HOXC4: variants seen among roughly 807,000 people sequenced by gnomAD.
HOXC4 encodes homeobox C4.
In HOXC4, 15 loss-of-function variants were observed where a neutral mutation model predicts 25.5. That is an observed-to-expected ratio of 0.59 (90% CI 0.39 to 0.91). The LOEUF (loss-of-function observed/expected upper bound fraction) is 0.91. Ranked by LOEUF, HOXC4 falls within the 40% of genes least tolerant of loss-of-function variation. HOXC4 has a pLI of 0.00. For missense variants in HOXC4, 342 were observed against 352.4 expected (o/e 0.97, Z 0.24); for synonymous variants, 165 against 148.0 (o/e 1.11, Z -0.83).
intron 1 of HOXC4, among the ~76,000 whole-genome samples, chr12:54,019,539 C>A (rs1035253615): frequency 2.6e-5 from 4 of 152,124 alleles, no homozygotes; most frequent in Non-Finnish European, 4.4e-5. Context: ...GCATTTTGTC[C>A]GCCCCCGCCC....
rs1248158898 is a variant in HOXC4, at chr12:54,034,451, T to C, written c.-124+17037T>C. ...CTGGTTCCAGAACCGCAGGATGAAG[T>C]GGAAGAAAGATTCCAAAATGAAAAG... On this transcript the variant is annotated intron_variant, in intron 1 of 3. Coordinates refer to the HOXC4 transcript ENST00000303406. 6.2e-7 allele frequency: 1 copy of C among 1,614,190 alleles called. No individual in the cohort carries two copies. Among genetic ancestry groups the C allele is most frequent in the Non-Finnish European group, 8.5e-7 (1 of 1,180,024 alleles).
intron 1 of HOXC4, among the ~76,000 whole-genome samples, chr12:54,019,186 C>T (rs1285204647): frequency 7.2e-6 from 1 of 138,104 alleles, no homozygotes; most frequent in Non-Finnish European, 1.6e-5. Context: ...CACCCCCCCA[C>T]CCCCAGTAGG....
At chr12:54,048,768 T>C (rs527531663) in intron 1 of HOXC4, among the ~76,000 whole-genome samples, 5 of 152,294 alleles carry the variant, frequency 3.3e-5, no homozygotes, top group Non-Finnish European at 5.9e-5. Flanking sequence ...CTTAAAAGTG[T>C]TTCCAGCTTC....
intron 1 of HOXC4, among the ~76,000 whole-genome samples, chr12:54,035,690 C>A (rs1941170791): frequency 6.6e-6 from 1 of 152,180 alleles, no homozygotes. Flanking sequence ...GGTGCAGGAA[C>A]CAGTGGCTCC....
chr12:54,037,008 C>T (rs1438365734), intron 1 of HOXC4, among the ~76,000 whole-genome samples: 3 of 152,206 alleles, frequency 2.0e-5, no homozygotes, highest in African/African-American at 2.4e-5. Flanking sequence ...TGCCTCCTCC[C>T]GGCAGGGTTT....
At chr12:54,028,996 G>A (rs1940859587) in intron 1 of HOXC4, 2 of 1,434,266 alleles carry the variant, frequency 1.4e-6, no homozygotes. Flanking sequence ...AGAAGAACGG[G>A]CGGAGAGAGT....
At chr12:54,042,178 G>A (rs968586249) in intron 1 of HOXC4, among the ~76,000 whole-genome samples, 3 of 151,934 alleles carry the variant, frequency 2.0e-5, no homozygotes, top group Middle Eastern at 3.2e-3. Flanking sequence ...GGGTTTCTCC[G>A]TGTTGGTCAG....
chr12:54,045,415 A>G (rs1333480276), intron 1 of HOXC4, among the ~76,000 whole-genome samples: 1 of 152,192 alleles, frequency 6.6e-6, no homozygotes, highest in East Asian at 1.9e-4. Context: ...CTCTTGAAAC[A>G]CCTAAGTGAA....
chr12:54,054,294 T>C lies in HOXC4; in HGVS notation c.372T>C (p.His124=). 1 of 1,571,614 alleles carries C rather than the reference T, an allele frequency of 6.4e-7. No individual in the cohort carries two copies. Among genetic ancestry groups the C allele is most frequent in the Non-Finnish European group, 8.7e-7 (1 of 1,153,098 alleles). The change falls in exon 1 of 2, where the codon CAT becomes CAC. Residue 124 remains histidine (H), a synonymous_variant. Transcript: ENST00000430889. ...PPACSQPAPD[H]PSSAASKQPI... is the part of the protein sequence containing the mutation. ...CCTGCAGCCAGCCAGCCCCCGACCA[T>C]CCCTCCAGCGCCGCCAGCAAGCAAC... is the stretch of plus-strand genomic sequence containing the variant.
chr12:54,045,071 G>T (rs1317508392), intron 1 of HOXC4, among the ~76,000 whole-genome samples: 1 of 152,214 alleles, frequency 6.6e-6, no homozygotes. Flanking sequence ...CACTTGCGAA[G>T]TCTCTAGTCC....
At position 54,055,237 on chromosome 12, in the gene HOXC4, G is replaced by GC; in HGVS notation, c.*37dup. ...ACTCACACCCCTGCCCCCACCCCAT[G>GC]CCCCCACCCTCCCCTCACACACAAA... On this transcript the variant is annotated 3_prime_UTR_variant, in exon 2 of 2. Coordinates refer to ENST00000430889, the MANE Select transcript of HOXC4 (RefSeq NM_153633.3). 2 of 1,012,560 alleles carry GC rather than the reference G, an allele frequency of 2.0e-6. No homozygotes were observed. The highest frequency in any genetic ancestry group is 3.7e-5 in the South Asian group (2 of 54,450). 62.7% of individuals were successfully genotyped at this position (1,012,560 alleles called of 1,614,324 possible).
chr12:54,039,197 C>T (rs897165959), intron 1 of HOXC4, among the ~76,000 whole-genome samples: 2 of 152,146 alleles, frequency 1.3e-5, no homozygotes, highest in African/African-American at 2.4e-5. Context: ...GCCAGATATG[C>T]ACCTTCCAGA....
intron 1 of HOXC4, among the ~76,000 whole-genome samples, chr12:54,042,093 C>T (rs1400793745): frequency 9.2e-5 from 14 of 151,888 alleles, no homozygotes; most frequent in Non-Finnish European, 4.4e-5. Context: ...ATTCTCCTGC[C>T]TCAGCCTCCT....
rs1008249325 is a variant in HOXC4, at chr12:54,023,733, C to A, written c.-124+6319C>A. Among the ~76,000 whole-genome samples the A allele has an allele frequency of 1.5e-4, 23 of 152,324 alleles. No individual in the cohort carries two copies. In the Middle Eastern group the frequency reaches 0.014, roughly 91 times the overall value. On this transcript the variant is annotated intron_variant, in intron 1 of 3. Coordinates refer to the HOXC4 transcript ENST00000303406. The stretch of plus-strand genomic sequence containing the variant: ...GTGTTAGGTGTGTCAAATTTCACTT[C>A]TCTCCATGCCTAAACTTTGAAAGGA...
At chr12:54,026,263 C>T (rs1490221494) in intron 1 of HOXC4, among the ~76,000 whole-genome samples, 2 of 152,102 alleles carry the variant, frequency 1.3e-5, no homozygotes, top group African/African-American at 2.4e-5. Flanking sequence ...GCTCAGTCCC[C>T]AGAGTACTCC....
chr12:54,025,961 A>G (rs1328645357), intron 1 of HOXC4, among the ~76,000 whole-genome samples: 2 of 152,116 alleles, frequency 1.3e-5, no homozygotes, highest in Admixed American at 6.5e-5. Context: ...GACATAAAAG[A>G]GATTTTTAAA....
intron 1 of HOXC4, chr12:54,038,012 G>A (rs1156926884): frequency 6.6e-6 from 1 of 152,196 alleles, no homozygotes; most frequent in Non-Finnish European, 1.5e-5. Context: ...CCAGGCGAAC[G>A]CTGTGAGTTA....
intron 1 of HOXC4, chr12:54,034,012 C>T (rs760565360): frequency 2.1e-5 from 14 of 666,058 alleles, no homozygotes; most frequent in South Asian, 2.0e-4. Context: ...TTGTTCGGTC[C>T]GAGCCTGGGT....
chr12:54,039,986 G>T (rs971843221), intron 1 of HOXC4, among the ~76,000 whole-genome samples: 2 of 152,104 alleles, frequency 1.3e-5, no homozygotes, highest in Non-Finnish European at 2.9e-5. Flanking sequence ...AGGCTCAAAA[G>T]TTCCATTTAA....
Sources: allele counts gnomAD v4.1 joint callset (sites outside exome capture counted in the v4.1 genomes callset), GRCh38; gene constraint gnomAD v4.1.1; transcripts MANE v1.5; gene names NCBI Gene and HGNC (gene_info 2026-07-23, HGNC 2026-07-21).